SBF1: variants seen among roughly 807,000 people sequenced by gnomAD.
SBF1 encodes the protein SET binding factor 1, also known as myotubularin-related protein 5.
Under a neutral mutation model 215.8 loss-of-function variants are expected in SBF1, and 65 were observed. The ratio of observed to expected loss-of-function variants is 0.30; its 90% CI spans 0.25 to 0.37. The LOEUF is 0.37. Among genes scored for constraint, SBF1 ranks in the 10% least tolerant of loss-of-function variants. The pLI is 1.00. For synonymous variants in SBF1, 1,410 were observed against 1,122.8 expected (o/e 1.26, Z -5.11); for missense variants, 2,634 against 2,667.8 (o/e 0.99, Z 0.28).
chr22:50,457,272 A>C (rs890078683), intron 28 of SBF1, 161 bp from the exon 29 acceptor site: 67 of 529,648 alleles, frequency 1.3e-4, no homozygotes, highest in African/African-American at 1.1e-3. Flanking sequence ...GGGAAGAGCC[A>C]TCCTGGTGTG....
In SBF1 at chr22:50,466,074, G is replaced by C. The variant is rs1313070755; in HGVS notation, c.898C>G (p.Leu300Val). The C allele has an allele frequency of 6.2e-7, 1 of 1,613,522 alleles. No homozygotes were observed. The highest frequency in any genetic ancestry group is 1.3e-5 in the African/African-American group (1 of 74,942). The change falls in exon 9 of 41, where the codon CTC (leucine) becomes GTC (valine). Residue 300 changes from leucine to valine, a missense_variant and splice_region_variant. By Grantham distance (32) the Leu-to-Val change is conservative. Transcript: ENST00000380817. The stretch of plus-strand genomic sequence containing the variant: ...TCCAGATCAGCAACAATCACATCGA[G>C]CTGCGGACCAAGGGAGCCGGCAGTC... ...AAFQAETQEL[L>V]DVIVADLDGG...
Position 50,454,897 on chromosome 22 carries a change from T to C in SBF1, c.4729A>G (p.Arg1577Gly), listed in dbSNP as rs200699957. 1.3e-4 allele frequency: 209 copies of C among 1,613,980 alleles called. No individual in the cohort carries two copies. The highest frequency in any genetic ancestry group is 1.7e-4 in the Non-Finnish European group (206 of 1,180,012). ...KGERRGQVPC[R>G]SVWEYVDRLS... ...CGGTCCACATACTCCCACACAGACC[T>C]GCACGGCACCTGGCCCCTGCGTTCC... The change falls in exon 35 of 41, where the codon AGG (arginine) becomes GGG (glycine). Residue 1577 changes from arginine (R) to glycine (G), a missense_variant. Physicochemically the swap from Arg to Gly is moderately radical, Grantham distance 125. Coordinates refer to ENST00000380817, the MANE Select transcript of SBF1 (RefSeq NM_002972.4).
chr22:50,448,251 G>A lies in SBF1; in HGVS notation c.5345C>T (p.Thr1782Ile). The change falls in exon 38 of 41, where the codon ACA (threonine) becomes ATA (isoleucine). Residue 1782 changes from threonine to isoleucine, a missense_variant. Coordinates refer to ENST00000380817, the MANE Select transcript of SBF1 (RefSeq NM_002972.4). ...STSTLYSQFQ[T>I]AESENRSYEG... ...CTCATACCTGTTCTCACTCTCTGCT[G>A]TCTGGAACTGGCTGTACAGGGTGCT... 2 of 1,612,578 alleles carry A rather than the reference G, an allele frequency of 1.2e-6. No homozygotes were observed. Among genetic ancestry groups the A allele is most frequent in the Non-Finnish European group, 1.7e-6 (2 of 1,179,922 alleles).
chr22:50,456,453 G>GGCCCCCCCCC, intron 30 of SBF1, 39 bp downstream of exon 30: 82 of 1,519,632 alleles, frequency 5.4e-5, no homozygotes, highest in Middle Eastern at 2.4e-4. Flanking sequence ...CCCCTGCCGA[G>GGCCCCCCCCC]CCCCCACCCT....
In SBF1 at chr22:50,459,364, C is replaced by T. The variant is rs1399120475; in HGVS notation, c.3717G>A (p.Leu1239=). ...CAGCCTGCAGGTACTTCTCCTGCTC[C>T]AGGCTACTCGAGTCCGCCTGGGACT... ...PGQSQADSSS[L]EQEKYLQAVV... The change falls in exon 28 of 41, where the codon CTG becomes CTA. Residue 1239 remains leucine (L), a synonymous_variant. Transcript: ENST00000380817. The T allele has an allele frequency of 6.2e-7, 1 of 1,612,590 alleles. No individual in the cohort carries two copies. The highest frequency in any genetic ancestry group is 8.5e-7 in the Non-Finnish European group (1 of 1,179,480).
At position 50,445,349 on chromosome 22, in the gene SBF1, C is replaced by T. The variant is rs1277461507; in HGVS notation, c.*1793G>A. ...CAGGACTTCCTTTTGTGCCAGCTCC[C>T]CCTCCCAGAAGCCTGGGCCCCACCT... On this transcript the variant is annotated 3_prime_UTR_variant, in exon 41 of 41. Coordinates refer to ENST00000380817, the MANE Select transcript of SBF1 (RefSeq NM_002972.4). 2.6e-5 allele frequency: 4 copies of T among 152,300 alleles called. No individual in the cohort carries two copies. Among genetic ancestry groups the T allele is most frequent in the Non-Finnish European group, 5.9e-5 (4 of 68,100 alleles). 9.4% of individuals were successfully genotyped at this position (152,300 alleles called of 1,614,324 possible).
Position 50,464,649 on chromosome 22 carries a change from CCGGGGGAAGGGT to C in SBF1, c.1509_1520del (p.Pro504_Arg507del). 1 of 1,609,280 alleles carries C rather than the reference CCGGGGGAAGGGT, an allele frequency of 6.2e-7. No homozygotes were observed. Among genetic ancestry groups the C allele is most frequent in the Non-Finnish European group, 8.5e-7 (1 of 1,179,750 alleles). On this transcript the variant is annotated inframe_deletion, in exon 14 of 41. Coordinates refer to ENST00000380817, the MANE Select transcript of SBF1 (RefSeq NM_002972.4). ...TCCACTGCACGGTGCCCTCATCCAG[CCGGGGGAAGGGT>C]CGGGGCACCCGTCGCAGGTGGCTGC...
chr22:50,447,835 C>T (rs1476264566), intron 38 of SBF1, among the ~76,000 whole-genome samples: 7 of 152,220 alleles, frequency 4.6e-5, no homozygotes, highest in African/African-American at 1.2e-4. Context: ...CAGTGAAGGG[C>T]GCCTCACACC....
intron 1 of SBF1, among the ~76,000 whole-genome samples, chr22:50,473,548 G>A (rs752775571): frequency 6.6e-6 from 1 of 152,224 alleles, no homozygotes; most frequent in African/African-American, 2.4e-5. Context: ...TGAGCAGAGA[G>A]GAGTGTGTGC....
intron 28 of SBF1, 150 bp downstream of exon 28, chr22:50,459,105 G>C (rs755399283): frequency 7.2e-5 from 87 of 1,214,418 alleles, no homozygotes; most frequent in Non-Finnish European, 9.2e-5. Flanking sequence ...CCTGCCCCAC[G>C]GCACCCGGAG....
chr22:50,463,606 C>A (rs2067615388), intron 15 of SBF1, among the ~76,000 whole-genome samples, 174 bp from the exon 16 acceptor site: 1 of 152,236 alleles, frequency 6.6e-6, no homozygotes, highest in African/African-American at 2.4e-5. Context: ...CCCGACAACT[C>A]CACAAGTACA....
chr22:50,452,969 T>C (rs1331807045), intron 36 of SBF1, among the ~76,000 whole-genome samples: 2 of 150,684 alleles, frequency 1.3e-5, no homozygotes, highest in Non-Finnish European at 3.0e-5. Flanking sequence ...ACACTTGTTT[T>C]TTAAAAAAAG....
At position 50,460,261 on chromosome 22, in the gene SBF1, C is replaced by T. The variant is rs756861519; in HGVS notation, c.3283+11G>A. The stretch of plus-strand genomic sequence containing the variant: ...CAGAGACCACCCAGGACTCCACCCC[C>T]ACCCCTCCACCTGAGATCTCGTCCT... On this transcript the variant is annotated intron_variant, in intron 25 of 40. Coordinates refer to ENST00000380817, the MANE Select transcript of SBF1 (RefSeq NM_002972.4). 4 of 1,601,392 alleles carry T rather than the reference C, an allele frequency of 2.5e-6. No homozygotes were observed. The highest frequency in any genetic ancestry group is 3.4e-5 in the Admixed American group (2 of 59,628).
chr22:50,459,063 G>A (rs1475605614), intron 28 of SBF1, among the ~76,000 whole-genome samples, 192 bp downstream of exon 28: 1 of 152,186 alleles, frequency 6.6e-6, no homozygotes, highest in Non-Finnish European at 1.5e-5. Flanking sequence ...ACCTGGTCTG[G>A]GCACACACTT....
rs377635071 is a variant in SBF1 at position 50,447,406 on chromosome 22, G to A, written c.5499C>T (p.Ile1833=). Residue 1833 remains isoleucine (I), a synonymous_variant, in exon 40 of 41, where the codon ATC becomes ATT. Transcript: ENST00000380817. The part of the protein sequence containing the change: ...HRVDTECKGV[I]DLAEVEAVAP... ...CCACAGCCTCCACCTCCGCCAAGTC[G>A]ATGACACCCTTGCACTCTGTGTCCA... is the stretch of plus-strand genomic sequence containing the variant. The A allele has an allele frequency of 4.2e-5, 67 of 1,614,006 alleles. No homozygotes were observed. The highest frequency in any genetic ancestry group is 3.1e-4 in the East Asian group (14 of 44,872).
At chr22:50,463,010 C>T in intron 16 of SBF1, 72 bp from the exon 17 acceptor site, 2 of 1,442,880 alleles carry the variant, frequency 1.4e-6, no homozygotes, top group South Asian at 2.4e-5. Context: ...CATGCCCCCA[C>T]CACCCCATAA....
intron 2 of SBF1, 105 bp downstream of exon 2, chr22:50,468,271 G>A (rs908965396): frequency 3.9e-5 from 43 of 1,100,010 alleles, no homozygotes; most frequent in East Asian, 3.4e-4. Context: ...CTAGCCCAGC[G>A]GGGGGCCGGG....
chr22:50,447,054 G>A lies in SBF1; in HGVS notation c.*88C>T, dbSNP rs528986241. ...CGGGGCCTCAATACTGTCGAGGGCC[G>A]GGGCTGTAAACATGGCCGGGGCGGC... On this transcript the variant is annotated 3_prime_UTR_variant, in exon 41 of 41. Coordinates refer to ENST00000380817, the MANE Select transcript of SBF1 (RefSeq NM_002972.4). 1.6e-4 allele frequency: 196 copies of A among 1,193,156 alleles called. No individual in the cohort carries two copies. In the East Asian group the frequency reaches 3.0e-3, roughly 18 times the overall value. The allele number at this position is 1,193,156 out of a possible 1,614,324, so 73.9% of individuals were successfully genotyped here. A position where few individuals can be genotyped will look rare whatever the true frequency, so the allele number is the denominator to read the frequency against.
chr22:50,460,633 T>C lies in SBF1; in HGVS notation c.3047A>G (p.Tyr1016Cys). The change falls in exon 24 of 41, where the codon TAC becomes TGC. Residue 1016 changes from tyrosine (Y) to cysteine (C), a missense_variant. Transcript: ENST00000380817. ...LFRKQLHKLRYPPDIRATFAF... is the reference protein window; with the variant it reads ...LFRKQLHKLRCPPDIRATFAF... ...AAAGGTGGCCCTGATGTCCGGCGGGTACCGCAGCTTATGCAGCTGCTTACG... is the reference window on the plus strand; with the variant it reads ...AAAGGTGGCCCTGATGTCCGGCGGGCACCGCAGCTTATGCAGCTGCTTACG... 6.2e-7 allele frequency: 1 copy of C among 1,613,970 alleles called. No individual in the cohort carries two copies. The highest frequency in any genetic ancestry group is 1.7e-5 in the Admixed American group (1 of 60,026).
Sources: allele counts gnomAD v4.1 joint callset (sites outside exome capture counted in the v4.1 genomes callset), GRCh38; gene constraint gnomAD v4.1.1; transcripts MANE v1.5; gene names NCBI Gene and HGNC (gene_info 2026-07-23, HGNC 2026-07-21).